CHD2: variants seen among roughly 807,000 people sequenced by gnomAD.
The protein encoded by CHD2 is chromodomain helicase DNA binding protein 2.
CHD2 carries 28 observed loss-of-function variants against 243.9 expected under a neutral mutation model. The observed-to-expected ratio is 0.11, with a 90% CI of 0.09 to 0.16. CHD2 has a LOEUF of 0.16. CHD2 is among the 10% of genes least tolerant of loss of function. The pLI, the probability that CHD2 is intolerant of heterozygous loss-of-function variation, is 1.00. For missense variants in CHD2, 1,386 were observed against 2,209.8 expected, an observed-to-expected ratio of 0.63 and a Z score of 7.47; for synonymous variants, 775 against 779.0, an observed-to-expected ratio of 0.99 and a Z score of 0.09.
intron 12 of CHD2, 71 bp from the exon 13 acceptor site, chr15:92,948,881 T>C: frequency 1.3e-6 from 2 of 1,498,646 alleles, no homozygotes; most frequent in Non-Finnish European, 1.8e-6. Context: ...GCCGAATATG[T>C]GAATTGTGGC....
intron 36 of CHD2, among the ~76,000 whole-genome samples, chr15:93,012,649 C>G (rs570757767): frequency 1.4e-4 from 22 of 152,116 alleles, no homozygotes; most frequent in Non-Finnish European, 2.9e-4. Flanking sequence ...AGTGTTTACC[C>G]TGTGTTTTTA....
At chr15:92,967,655 A>C (rs1427304411) in intron 17 of CHD2, 142 bp downstream of exon 17, 1 of 505,996 alleles carries the variant, frequency 2.0e-6, no homozygotes, top group Non-Finnish European at 3.2e-6. Context: ...CCTACCGAGT[A>C]GCTGGGATTA....
At chr15:92,919,682 C>T (rs1291180601) in intron 2 of CHD2, among the ~76,000 whole-genome samples, 6 of 152,136 alleles carry the variant, frequency 3.9e-5, no homozygotes, top group Admixed American at 1.3e-4. Context: ...TGAGCCACCG[C>T]GCCTGGCCTA....
intron 2 of CHD2, among the ~76,000 whole-genome samples, chr15:92,911,261 C>T (rs2052729382): frequency 6.6e-6 from 1 of 152,098 alleles, no homozygotes; most frequent in African/African-American, 2.4e-5. Context: ...GTTCTGATTG[C>T]TTTGTATGTG....
chr15:92,914,506 T>A (rs2052798289), intron 2 of CHD2, among the ~76,000 whole-genome samples: 1 of 152,212 alleles, frequency 6.6e-6, no homozygotes, highest in Non-Finnish European at 1.5e-5. Flanking sequence ...GCAGAAGTAG[T>A]ATGCATGATG....
intron 31 of CHD2, among the ~76,000 whole-genome samples, 186 bp from the exon 32 acceptor site, chr15:93,000,326 C>CTA (rs1026667478): frequency 1.3e-5 from 2 of 151,942 alleles, no homozygotes; most frequent in African/African-American, 4.8e-5. Flanking sequence ...TGTATAAGGC[C>CTA]TATAGGTTTT....
intron 16 of CHD2, among the ~76,000 whole-genome samples, chr15:92,965,587 A>C (rs1308875020): frequency 4.3e-5 from 5 of 115,120 alleles, no homozygotes; most frequent in African/African-American, 1.1e-4. Context: ...AAAAAAAAAA[A>C]AAAAAAAACC....
chr15:93,016,694 A>G (rs1419586227), intron 37 of CHD2, among the ~76,000 whole-genome samples: 1 of 146,526 alleles, frequency 6.8e-6, no homozygotes, highest in Non-Finnish European at 1.5e-5. Context: ...AGGTGGGAGA[A>G]TTTCTTAGGC....
chr15:92,968,316 GT>G (rs1163215428), intron 17 of CHD2, among the ~76,000 whole-genome samples: 1 of 152,060 alleles, frequency 6.6e-6, no homozygotes, highest in African/African-American at 2.4e-5. Flanking sequence ...GAGCCCAGTA[GT>G]TTGAGACCAG....
At position 93,016,858 on chromosome 15, in the gene CHD2, GA is replaced by G. The variant is rs373173207; in HGVS notation, c.4906+1956del. Among the ~76,000 whole-genome samples, 81 of 148,876 alleles carry G rather than the reference GA, an allele frequency of 5.4e-4. 1 individual carries two copies. In the East Asian group the frequency reaches 9.4e-3, roughly 17 times the overall value. On this transcript the variant is annotated intron_variant, in intron 37 of 38. Coordinates refer to ENST00000394196, the MANE Select transcript of CHD2 (RefSeq NM_001271.4). Reference sequence around the variant, plus strand: ...AATTAAAATTTTGGAAATTTGATTAGAAAAAAACTCTGTGGAGCTTATCCAT... The same window carrying G: ...AATTAAAATTTTGGAAATTTGATTAGAAAAAACTCTGTGGAGCTTATCCAT...
At chr15:92,999,778 C>T (rs1436673886) in intron 31 of CHD2, among the ~76,000 whole-genome samples, 1 of 152,146 alleles carries the variant, frequency 6.6e-6, no homozygotes. Context: ...TCTGATTAGG[C>T]AGATAAACAG....
chr15:92,970,871 A>C (rs927974958), intron 17 of CHD2, among the ~76,000 whole-genome samples: 2 of 152,174 alleles, frequency 1.3e-5, no homozygotes, highest in African/African-American at 4.8e-5. Flanking sequence ...AGCATGAAGA[A>C]ATTGCGCCAC....
chr15:92,952,015 A>G (rs2053560515), intron 13 of CHD2, among the ~76,000 whole-genome samples: 1 of 152,220 alleles, frequency 6.6e-6, no homozygotes. Flanking sequence ...CATATTATAT[A>G]TACGTGCAAA....
In CHD2 at chr15:92,997,494, G is replaced by A. The variant is rs914164624; in HGVS notation, c.3885+91G>A. 1.0e-4 allele frequency: 119 copies of A among 1,195,872 alleles called. No individual in the cohort carries two copies. The highest frequency in any genetic ancestry group is 1.2e-4 in the Non-Finnish European group (107 of 885,492). The allele number at this position is 1,195,872 out of a possible 1,614,324, so 74.1% of individuals were successfully genotyped here. A position where few individuals can be genotyped will look rare whatever the true frequency, so the allele number is the denominator to read the frequency against. On this transcript the variant is annotated intron_variant, in intron 30 of 38. Coordinates refer to ENST00000394196, the MANE Select transcript of CHD2 (RefSeq NM_001271.4). The surrounding 1 kb of genome is among the most constrained non-coding windows in gnomAD (Gnocchi z 4.1). ...CTTATTTCTAACTATTTTCGAGGGG[G>A]CATCAAATTAGAAATTAGTATAGTC... is the stretch of plus-strand genomic sequence containing the variant.
chr15:93,019,867 A>G, intron 37 of CHD2, 145 bp from the exon 38 acceptor site: 1 of 954,572 alleles, frequency 1.0e-6, no homozygotes, highest in Non-Finnish European at 1.5e-6. Flanking sequence ...CAAGAGATGG[A>G]GATTGCAGTG....
chr15:92,923,399 C>T (rs922359115), intron 2 of CHD2, among the ~76,000 whole-genome samples: 4 of 151,618 alleles, frequency 2.6e-5, no homozygotes, highest in African/African-American at 9.7e-5. Flanking sequence ...TAGCTGGGAT[C>T]GCAGGCATGC....
intron 28 of CHD2, chr15:92,993,319 G>A: frequency 4.1e-6 from 1 of 245,888 alleles, no homozygotes. Context: ...TATTTTGGCT[G>A]CAAATAAGAG....
chr15:92,902,289 G>C, intron 2 of CHD2: 1 of 397,260 alleles, frequency 2.5e-6, no homozygotes, highest in Non-Finnish European at 4.4e-6. Flanking sequence ...AAGCCTCTAA[G>C]ATGTTTTTGT....
In CHD2 at chr15:92,964,560, TTCAAAATCCA is replaced by T. The variant is rs2053731173; in HGVS notation, c.2001-2764_2001-2755del. On this transcript the variant is annotated intron_variant, in intron 16 of 38. Transcript: ENST00000394196. ...CCACTCAAATGTTACAGGCTATTGT[TTCAAAATCCA>T]AAAGTTAGTCCTCTTTTTAACCAAC... Among the ~76,000 whole-genome samples the T allele has an allele frequency of 2.0e-5, 3 of 152,240 alleles. No individual in the cohort carries two copies. In the South Asian group the frequency reaches 6.2e-4, roughly 31 times the overall value.
Sources: gnomAD v4.1 joint callset for allele counts (sites outside exome capture counted in the v4.1 genomes callset) on GRCh38, gnomAD v4.1.1 for gene constraint, Gnocchi (gnomAD v3.1) non-coding constraint, MANE v1.5 for transcripts, NCBI Gene and HGNC (gene_info 2026-07-23, HGNC 2026-07-21) for gene names.